The following LPP variants were observed in gnomAD, a reference collection of about 807,000 sequenced individuals.
LPP encodes LIM domain containing preferred translocation partner in lipoma, also known as lipoma-preferred partner.
LPP carries 38 observed loss-of-function variants against 60.4 expected under a neutral mutation model. The observed-to-expected ratio is 0.63, with a 90% CI of 0.49 to 0.83. LPP has a LOEUF of 0.83. Among genes scored for constraint, LPP ranks in the 40% least tolerant of loss-of-function variants. The pLI is 0.00. For synonymous variants in LPP, 328 were observed against 290.8 expected (o/e 1.13, Z -1.30); for missense variants, 902 against 783.6 (o/e 1.15, Z -1.80).
intron 6 of LPP, among the ~76,000 whole-genome samples, chr3:188,608,646 T>G (rs529422181): frequency 6.6e-6 from 1 of 152,292 alleles, no homozygotes; most frequent in South Asian, 2.1e-4. Context: ...TGATAAGGCT[T>G]TTTGTGGTCT....
rs530875778 is a variant in LPP, at chr3:188,247,359, T to C, written c.-67+21832T>C. ...CCTTTGAAAAGTTAAGAAATAGTTTTATACACTGTGTTAAGGATGTTGTCA... is the reference window on the plus strand; with the variant it reads ...CCTTTGAAAAGTTAAGAAATAGTTTCATACACTGTGTTAAGGATGTTGTCA... On this transcript the variant is annotated intron_variant, in intron 2 of 11. Transcript: ENST00000617246. 3.8e-5 allele frequency: 6 copies of C among 158,098 alleles called. No individual in the cohort carries two copies. The South Asian group carries it at 1.0e-3, about 27-fold the overall frequency. 9.8% of individuals were successfully genotyped at this position (158,098 alleles called of 1,614,324 possible). A position where few individuals can be genotyped will look rare whatever the true frequency, so the allele number is the denominator to read the frequency against.
At chr3:188,775,053 G>GTTTTTTTT (rs764136747) in intron 9 of LPP, among the ~76,000 whole-genome samples, 1 of 127,658 alleles carries the variant, frequency 7.8e-6, no homozygotes. Context: ...TACATGCTTA[G>GTTTTTTTT]TGTTTTTTTT....
chr3:188,872,428 G>C (rs569875919), intron 10 of LPP, among the ~76,000 whole-genome samples: 1 of 152,264 alleles, frequency 6.6e-6, no homozygotes, highest in Non-Finnish European at 1.5e-5. Context: ...TCATGCCCAA[G>C]CAATTCACAC....
chr3:188,842,309 C>A (rs1395597314), intron 9 of LPP, among the ~76,000 whole-genome samples: 2 of 152,134 alleles, frequency 1.3e-5, no homozygotes, highest in Admixed American at 1.3e-4. Flanking sequence ...TGCCTATTTG[C>A]CATTTGTATG....
Position 188,193,871 on chromosome 3 carries a change from C to T in LPP, c.-189-31534C>T, listed in dbSNP as rs193238019. Among the ~76,000 whole-genome samples, 42 of 151,974 alleles carry T rather than the reference C, an allele frequency of 2.8e-4. 1 individual carries two copies. The highest frequency in any genetic ancestry group is 2.6e-3 in the Admixed American group (40 of 15,278). On this transcript the variant is annotated intron_variant, in intron 1 of 11. Coordinates refer to ENST00000617246, the MANE Select transcript of LPP (RefSeq NM_001375462.1). Reference sequence around the variant, plus strand: ...TATGCATCAATGGTTTTATCTGGCTCGATTAGTCAGTGGATAGTTTTTAAT... The same window carrying T: ...TATGCATCAATGGTTTTATCTGGCTTGATTAGTCAGTGGATAGTTTTTAAT...
chr3:188,855,853 T>C (rs1464138870), intron 9 of LPP, among the ~76,000 whole-genome samples: 1 of 152,184 alleles, frequency 6.6e-6, no homozygotes, highest in African/African-American at 2.4e-5. Flanking sequence ...GTGGCTGACG[T>C]TGGCAAGACT....
intron 7 of LPP, among the ~76,000 whole-genome samples, chr3:188,619,012 C>T (rs763085174): frequency 1.3e-5 from 2 of 151,982 alleles, no homozygotes; most frequent in Non-Finnish European, 2.9e-5. Flanking sequence ...GGAAACCATG[C>T]TTTTTTATTT....
chr3:188,599,751 G>GGT (rs71169011), intron 6 of LPP, among the ~76,000 whole-genome samples: 6,168 of 139,752 alleles, frequency 0.044, 176 homozygotes, highest in African/African-American at 0.069. Flanking sequence ...ACTCGTTAGG[G>GGT]GTGTGTGTGT....
rs1443035211 is a variant in LPP at position 188,887,272 on chromosome 3, T to G, written c.*12793T>G. On this transcript the variant is annotated 3_prime_UTR_variant, in exon 12 of 12. Coordinates refer to ENST00000617246, the MANE Select transcript of LPP (RefSeq NM_001375462.1). Reference sequence around the variant, plus strand: ...GATACATTTCTTCCTTTTTTATTCTTTCTTGGGAGACGTTAAGTATAAAAG... The same window carrying G: ...GATACATTTCTTCCTTTTTTATTCTGTCTTGGGAGACGTTAAGTATAAAAG... The G allele has an allele frequency of 4.6e-6, 1 of 218,304 alleles. No homozygotes were observed. The highest frequency in any genetic ancestry group is 9.2e-6 in the Non-Finnish European group (1 of 108,668). 13.5% of individuals were successfully genotyped at this position (218,304 alleles called of 1,614,324 possible). A position where few individuals can be genotyped will look rare whatever the true frequency, so the allele number is the denominator to read the frequency against.
intron 4 of LPP, among the ~76,000 whole-genome samples, chr3:188,454,689 C>T (rs1009304097): frequency 6.6e-6 from 1 of 152,080 alleles, no homozygotes; most frequent in Non-Finnish European, 1.5e-5. Context: ...AAAGGCACAT[C>T]TTACATGGCG....
intron 6 of LPP, among the ~76,000 whole-genome samples, chr3:188,529,003 G>A (rs1378390678): frequency 1.3e-5 from 2 of 152,126 alleles, no homozygotes; most frequent in Non-Finnish European, 2.9e-5. Context: ...CTTTCGATGT[G>A]CCTGTTCCAT....
At chr3:188,489,613 T>G (rs1435249985) in intron 5 of LPP, among the ~76,000 whole-genome samples, 1 of 152,172 alleles carries the variant, frequency 6.6e-6, no homozygotes, top group African/African-American at 2.4e-5. Context: ...AAGGGTGATA[T>G]CCCCAGAACT....
chr3:188,413,437 T>C (rs1013103367), intron 4 of LPP, among the ~76,000 whole-genome samples: 3 of 152,156 alleles, frequency 2.0e-5, no homozygotes, highest in South Asian at 2.1e-4. Flanking sequence ...GGTATAAGTA[T>C]GCGTGTTATG....
intron 4 of LPP, among the ~76,000 whole-genome samples, chr3:188,479,165 A>G (rs1331537827): frequency 1.3e-5 from 2 of 152,132 alleles, no homozygotes; most frequent in Non-Finnish European, 2.9e-5. Context: ...AGGTATTCCA[A>G]TCCAGTCTCT....
At chr3:188,295,982 A>C (rs773252670) in intron 2 of LPP, among the ~76,000 whole-genome samples, 4 of 151,970 alleles carry the variant, frequency 2.6e-5, no homozygotes, top group Non-Finnish European at 4.4e-5. Flanking sequence ...TCAAGTCTTT[A>C]AGTTTCCCTA....
intron 2 of LPP, among the ~76,000 whole-genome samples, chr3:188,263,704 C>A (rs574012809): frequency 2.4e-4 from 36 of 152,346 alleles, no homozygotes; most frequent in Admixed American, 2.0e-3. Flanking sequence ...TAATCCGTCA[C>A]GTAGAAAGTT....
intron 9 of LPP, among the ~76,000 whole-genome samples, chr3:188,860,550 T>C (rs2151941751): frequency 6.6e-6 from 1 of 152,210 alleles, no homozygotes; most frequent in Middle Eastern, 3.4e-3. Flanking sequence ...CTCCCAAATA[T>C]GGTGCATCCG....
chr3:188,200,245 AT>A (rs532406589), intron 1 of LPP, among the ~76,000 whole-genome samples: 328 of 139,826 alleles, frequency 2.3e-3, no homozygotes, highest in South Asian at 5.4e-3. Context: ...GGGTTTAAGA[AT>A]TTTTTTTTTT....
intron 6 of LPP, among the ~76,000 whole-genome samples, chr3:188,597,732 T>A (rs1386429416): frequency 1.3e-5 from 2 of 152,166 alleles, no homozygotes; most frequent in Non-Finnish European, 2.9e-5. Context: ...CCTTATTGTT[T>A]CATTTGATTA....
Sources: allele counts gnomAD v4.1 joint callset (sites outside exome capture counted in the v4.1 genomes callset), GRCh38; gene constraint gnomAD v4.1.1; transcripts MANE v1.5; gene names NCBI Gene and HGNC (gene_info 2026-07-23, HGNC 2026-07-21).